The following TRAF3 variants were observed in gnomAD, a reference collection of about 807,000 sequenced individuals.
TRAF3 encodes TNF receptor associated factor 3.
A neutral mutation model predicts 62.3 loss-of-function variants in TRAF3; 13 were observed. The ratio of observed to expected loss-of-function variants is 0.21; its 90% CI spans 0.14 to 0.33. TRAF3 has a LOEUF of 0.33. Ranked by LOEUF, TRAF3 falls within the 10% of genes least tolerant of loss-of-function variation. The pLI, the probability that TRAF3 is intolerant of heterozygous loss-of-function variation, is 1.00. For missense variants in TRAF3, 440 were observed against 741.8 expected (o/e 0.59, Z 4.73); for synonymous variants, 269 against 283.4 (o/e 0.95, Z 0.51).
chr14:102,873,925 A>G (rs1888491280), intron 4 of TRAF3, among the ~76,000 whole-genome samples: 1 of 152,318 alleles, frequency 6.6e-6, no homozygotes, highest in African/African-American at 2.4e-5. Context: ...TTTCTTAGAA[A>G]TAACCTTTGG....
chr14:102,828,714 T>G (rs1838244669), intron 1 of TRAF3, among the ~76,000 whole-genome samples: 1 of 152,246 alleles, frequency 6.6e-6, no homozygotes, highest in Non-Finnish European at 1.5e-5. Context: ...AAAACTTTAT[T>G]TCTTGTTAAT....
intron 2 of TRAF3, among the ~76,000 whole-genome samples, chr14:102,841,564 A>G (rs1271035660): frequency 6.6e-6 from 1 of 152,264 alleles, no homozygotes; most frequent in African/African-American, 2.4e-5. Flanking sequence ...TGAGTTATCC[A>G]TAGACCAATG....
rs541475247 is a variant in TRAF3 at position 102,794,816 on chromosome 14, C to G, written c.-157+17141C>G. The stretch of plus-strand genomic sequence containing the variant: ...TTTCTAAAAAACTTTTGGAGTATAC[C>G]TATTCATAAAATAATTACCTCTATA... On this transcript the variant is annotated intron_variant, in intron 1 of 11. Coordinates refer to ENST00000392745, the MANE Select transcript of TRAF3 (RefSeq NM_145725.3). Among the ~76,000 whole-genome samples, 8 of 152,068 alleles carry G rather than the reference C, an allele frequency of 5.3e-5. No individual in the cohort carries two copies. The South Asian group carries it at 1.7e-3, about 31-fold the overall frequency.
intron 1 of TRAF3, among the ~76,000 whole-genome samples, chr14:102,789,327 G>C (rs1268954345): frequency 6.6e-6 from 1 of 152,134 alleles, no homozygotes; most frequent in Non-Finnish European, 1.5e-5. Context: ...AAACATTTGT[G>C]TACAAGTTTC....
intron 1 of TRAF3, among the ~76,000 whole-genome samples, chr14:102,781,069 G>A (rs2140048944): frequency 6.6e-6 from 1 of 152,304 alleles, no homozygotes; most frequent in Non-Finnish European, 1.5e-5. Context: ...GAAGCGTGGT[G>A]GGAATCCACC....
intron 2 of TRAF3, among the ~76,000 whole-genome samples, chr14:102,850,140 A>G (rs983466521): frequency 2.0e-5 from 3 of 152,210 alleles, no homozygotes; most frequent in African/African-American, 7.2e-5. Context: ...TCATTAGGGT[A>G]ATGGAGGCAT....
At chr14:102,862,401 CA>C (rs34141177) in intron 2 of TRAF3, among the ~76,000 whole-genome samples, 51,573 of 107,902 alleles carry the variant, frequency 0.48, 13,321 homozygotes, top group African/African-American at 0.79. Context: ...ATCCCTTCTC[CA>C]AAAAAAAAAA....
At chr14:102,843,371 C>G (rs1237564241) in intron 2 of TRAF3, among the ~76,000 whole-genome samples, 1 of 151,982 alleles carries the variant, frequency 6.6e-6, no homozygotes, top group Non-Finnish European at 1.5e-5. Context: ...GGATCTCACT[C>G]TAGTGTCCAG....
At chr14:102,866,401 A>G (rs1887995048) in intron 2 of TRAF3, among the ~76,000 whole-genome samples, 1 of 152,160 alleles carries the variant, frequency 6.6e-6, no homozygotes, top group Non-Finnish European at 1.5e-5. Context: ...GTATCCTAGA[A>G]CTTAAAGTAT....
chr14:102,783,097 A>G (rs1350653312), intron 1 of TRAF3, among the ~76,000 whole-genome samples: 1 of 152,210 alleles, frequency 6.6e-6, no homozygotes, highest in Non-Finnish European at 1.5e-5. Flanking sequence ...ACCAAGGGCC[A>G]GGCACATGGT....
chr14:102,870,080 TA>T, intron 2 of TRAF3, 104 bp from the exon 3 acceptor site: 1 of 1,431,578 alleles, frequency 7.0e-7, no homozygotes, highest in Non-Finnish European at 9.8e-7. Context: ...TTGTGTTGCC[TA>T]AAACTGAAAG....
intron 1 of TRAF3, among the ~76,000 whole-genome samples, chr14:102,818,174 T>G (rs1899653881): frequency 6.6e-6 from 1 of 152,180 alleles, no homozygotes; most frequent in Admixed American, 6.5e-5. Context: ...AATACACCAT[T>G]TGTCTTTAAT....
At chr14:102,895,306 T>C (rs1889945617) in intron 9 of TRAF3, 1 of 294,258 alleles carries the variant, frequency 3.4e-6, no homozygotes, top group South Asian at 3.0e-5. Context: ...CATGAGACAT[T>C]GCAAGTTTTG....
rs1566807952 is a variant in TRAF3 at position 102,900,179 on chromosome 14, G to GAAAAAA, written c.960+2778_960+2779insAAAAAA. ...GGGAGAAAGAGCAAGACTCCGTCTC[G>GAAAAAA]GAAAAAAAAAAAAAAAAAAAAAAAG... is the stretch of plus-strand genomic sequence containing the variant. On this transcript the variant is annotated intron_variant, in intron 10 of 11. Coordinates refer to ENST00000392745, the MANE Select transcript of TRAF3 (RefSeq NM_145725.3). Among the ~76,000 whole-genome samples the GAAAAAA allele has an allele frequency of 2.2e-3, 182 of 83,712 alleles. 22 individuals are homozygous for GAAAAAA. The highest frequency in any genetic ancestry group is 3.5e-3 in the African/African-American group (67 of 19,242). 54.9% of individuals were successfully genotyped at this position (83,712 alleles called of 152,430 possible). A position where few individuals can be genotyped will look rare whatever the true frequency, so the allele number is the denominator to read the frequency against.
chr14:102,903,759 A>C lies in TRAF3; in HGVS notation c.1135+330A>C, dbSNP rs546677538. ...GGACAGGCCCAAGCGCAGATGGCAGAGGCCAGGACCTGCTGGTCGGGGCGC... is the reference window on the plus strand; with the variant it reads ...GGACAGGCCCAAGCGCAGATGGCAGCGGCCAGGACCTGCTGGTCGGGGCGC... On this transcript the variant is annotated intron_variant, in intron 11 of 11. Transcript: ENST00000392745. This position sits in a 1 kb window ranked among gnomAD's most constrained non-coding sequence, Gnocchi z 6.4. The C allele has an allele frequency of 1.2e-3, 633 of 506,662 alleles. No individual in the cohort carries two copies. The highest frequency in any genetic ancestry group is 2.1e-3 in the Non-Finnish European group (556 of 260,452). 31.4% of individuals were successfully genotyped at this position (506,662 alleles called of 1,614,324 possible).
chr14:102,823,808 A>G (rs1428199272), intron 1 of TRAF3, among the ~76,000 whole-genome samples: 1 of 152,202 alleles, frequency 6.6e-6, no homozygotes, highest in African/African-American at 2.4e-5. Context: ...TAGTATATTC[A>G]CAGAGTTGTG....
rs1898470336 is a variant in TRAF3 at position 102,802,149 on chromosome 14, G to T, written c.-157+24474G>T. Among the ~76,000 whole-genome samples, 4 of 142,418 alleles carry T rather than the reference G, an allele frequency of 2.8e-5. No individual in the cohort carries two copies. The Admixed American group carries it at 2.9e-4, about 10-fold the overall frequency. 93.4% of individuals were successfully genotyped at this position (142,418 alleles called of 152,430 possible). A position where few individuals can be genotyped will look rare whatever the true frequency, so the allele number is the denominator to read the frequency against. On this transcript the variant is annotated intron_variant, in intron 1 of 11. Transcript: ENST00000392745. ...TTGCAGGCATGAGCCATTGCACCTG[G>T]ACTCATTTTTTTTTTTTTTTTTTGA... is the stretch of plus-strand genomic sequence containing the variant.
intron 3 of TRAF3, among the ~76,000 whole-genome samples, 170 bp from the exon 4 acceptor site, chr14:102,871,747 T>C (rs1039102124): frequency 3.9e-5 from 6 of 152,252 alleles, no homozygotes; most frequent in African/African-American, 1.4e-4. Context: ...TGTAGCCCTT[T>C]TCTCCCATGG....
intron 6 of TRAF3, among the ~76,000 whole-genome samples, chr14:102,884,505 A>C (rs375237101): frequency 6.6e-6 from 1 of 152,190 alleles, no homozygotes; most frequent in African/African-American, 2.4e-5. Context: ...AATAGAAATG[A>C]TTAATATCAA....
Sources: allele counts gnomAD v4.1 joint callset (sites outside exome capture counted in the v4.1 genomes callset), GRCh38; gene constraint gnomAD v4.1.1; non-coding constraint Gnocchi (gnomAD v3.1); transcripts MANE v1.5; gene names NCBI Gene and HGNC (gene_info 2026-07-23, HGNC 2026-07-21).